Variants in C2CD3 observed in about 807,000 individuals in gnomAD.
C2CD3 encodes C2 domain-containing protein 3.
Under a neutral mutation model 234.0 loss-of-function variants are expected in C2CD3, and 148 were observed. The ratio of observed to expected loss-of-function variants is 0.63; its 90% CI spans 0.55 to 0.72. The LOEUF (loss-of-function observed/expected upper bound fraction) is 0.72, where lower values mean the gene tolerates loss of function less well. Among genes scored for constraint, C2CD3 ranks in the 30% least tolerant of loss-of-function variants. C2CD3 has a pLI of 0.00. For missense variants in C2CD3, 2,577 were observed against 2,811.5 expected, an observed-to-expected ratio of 0.92 and a Z score of 1.89; for synonymous variants, 1,000 against 1,035.4, an observed-to-expected ratio of 0.97 and a Z score of 0.66.
chr11:74,154,776 TG>T (rs1287872388), intron 3 of C2CD3, among the ~76,000 whole-genome samples: 1 of 152,136 alleles, frequency 6.6e-6, no homozygotes, highest in Non-Finnish European at 1.5e-5. Flanking sequence ...AGATTTGGCT[TG>T]GGGGTTGCAG....
intron 23 of C2CD3, among the ~76,000 whole-genome samples, chr11:74,076,166 A>G (rs1392669295): frequency 6.6e-6 from 1 of 152,168 alleles, no homozygotes; most frequent in Non-Finnish European, 1.5e-5. Context: ...AAGGGACTCT[A>G]GGCCTGCCCA....
chr11:74,073,481 GGA>G (rs912245631), intron 24 of C2CD3, among the ~76,000 whole-genome samples: 4 of 151,762 alleles, frequency 2.6e-5, no homozygotes, highest in Non-Finnish European at 5.9e-5. Flanking sequence ...CAGCTACTCA[GGA>G]GGCTGAGGCA....
At chr11:74,041,910 C>T (rs933038373) in intron 29 of C2CD3, 144 bp downstream of exon 29, 17 of 750,266 alleles carry the variant, frequency 2.3e-5, no homozygotes, top group Non-Finnish European at 3.7e-5. Context: ...CAGGGTCCAA[C>T]CTGATACTAA....
chr11:74,040,593 A>G (rs1952988995), intron 29 of C2CD3, among the ~76,000 whole-genome samples: 2 of 152,028 alleles, frequency 1.3e-5, no homozygotes, highest in African/African-American at 4.8e-5. Context: ...TGTCTCTACT[A>G]AAAATACAAA....
intron 32 of C2CD3, among the ~76,000 whole-genome samples, chr11:74,018,592 C>T (rs907638298): frequency 7.2e-5 from 11 of 152,180 alleles, no homozygotes; most frequent in African/African-American, 2.7e-4. Flanking sequence ...AGTGAGGGCT[C>T]AATATAGCTG....
chr11:74,071,627 C>G (rs1035181629), intron 24 of C2CD3, among the ~76,000 whole-genome samples: 8 of 152,194 alleles, frequency 5.3e-5, no homozygotes, highest in Non-Finnish European at 8.8e-5. Flanking sequence ...AAAGGGGATA[C>G]AGGGAATAAC....
intron 3 of C2CD3, 57 bp downstream of exon 3, chr11:74,161,342 A>G: frequency 9.3e-7 from 1 of 1,079,182 alleles, no homozygotes. Flanking sequence ...AACAGACTCA[A>G]CTATTTCTGC....
At position 74,078,101 on chromosome 11, in the gene C2CD3, GGCTCCTCAC is replaced by G; in HGVS notation, c.4603+5_4603+13del. The G allele has an allele frequency of 6.2e-7, 1 of 1,606,178 alleles. No homozygotes were observed. On this transcript the variant is annotated splice_donor_5th_base_variant and intron_variant, in intron 23 of 32. Transcript: ENST00000334126. ...TGCTCAAACTACAAGAGTTGAATCA[GGCTCCTCAC>G]TTACCACTGACAGTTAGCGTCCTCG...
chr11:74,020,539 G>C (rs1726765), intron 32 of C2CD3, among the ~76,000 whole-genome samples: 11,909 of 152,228 alleles, frequency 0.078, 1,456 homozygotes, highest in African/African-American at 0.26. Context: ...AGTCCAGTGC[G>C]TTTCCAAGAA....
At position 74,033,995 on chromosome 11, in the gene C2CD3, T is replaced by C. The variant is rs777600018; in HGVS notation, c.6165A>G (p.Ala2055=). ...TRMQSSEDTE[A]GPAYSDEDYE... The stretch of plus-strand genomic sequence containing the variant: ...AGTCCTCATCACTGTAGGCTGGGCC[T>C]GCCTCAGTGTCTTCACTGCTCTGCA... The change falls in exon 31 of 33, where the codon GCA becomes GCG. Residue 2055 remains alanine, a synonymous_variant. Coordinates refer to ENST00000334126, the MANE Select transcript of C2CD3 (RefSeq NM_001286577.2). The C allele has an allele frequency of 1.1e-5, 17 of 1,536,426 alleles. No individual in the cohort carries two copies. The highest frequency in any genetic ancestry group is 1.5e-5 in the Non-Finnish European group (17 of 1,146,978).
chr11:74,160,819 A>ATGG (rs1303540237), intron 3 of C2CD3, among the ~76,000 whole-genome samples: 2 of 152,236 alleles, frequency 1.3e-5, no homozygotes, highest in East Asian at 3.8e-4. Context: ...TCCTTACACA[A>ATGG]TGTATATATG....
intron 22 of C2CD3, among the ~76,000 whole-genome samples, chr11:74,083,709 T>C (rs1320571224): frequency 6.6e-6 from 1 of 152,118 alleles, no homozygotes; most frequent in African/African-American, 2.4e-5. Context: ...TCATCACTGG[T>C]CACTAGAGAA....
intron 24 of C2CD3, among the ~76,000 whole-genome samples, chr11:74,058,766 T>C (rs1954075804): frequency 6.6e-6 from 1 of 152,116 alleles, no homozygotes. Context: ...TGGCTGATGA[T>C]ACTAGATAGT....
chr11:74,170,085 G>A (rs1857068024), intron 1 of C2CD3, among the ~76,000 whole-genome samples: 2 of 151,870 alleles, frequency 1.3e-5, no homozygotes, highest in African/African-American at 2.4e-5. Context: ...GTGAGCTTGT[G>A]TCTCCTTGAG....
intron 3 of C2CD3, among the ~76,000 whole-genome samples, chr11:74,157,787 A>G (rs11236025): frequency 0.034 from 5,184 of 152,302 alleles, 90 homozygotes; most frequent in Middle Eastern, 0.048. Flanking sequence ...AGCCCCCCAC[A>G]GAAGAGGGAC....
chr11:74,159,056 G>A (rs61901252), intron 3 of C2CD3, among the ~76,000 whole-genome samples: 11 of 151,960 alleles, frequency 7.2e-5, no homozygotes, highest in African/African-American at 2.2e-4. Context: ...CCACATATAC[G>A]ACAGTGGTCC....
At chr11:74,038,341 C>T (rs187045033) in intron 29 of C2CD3, among the ~76,000 whole-genome samples, 222 of 152,292 alleles carry the variant, frequency 1.5e-3, no homozygotes, top group Middle Eastern at 6.8e-3. Context: ...TTTAATAGGG[C>T]CACATTCTCA....
At chr11:74,165,762 C>T (rs985940855) in intron 2 of C2CD3, among the ~76,000 whole-genome samples, 1 of 152,136 alleles carries the variant, frequency 6.6e-6, no homozygotes, top group African/African-American at 2.4e-5. Flanking sequence ...CAAGTGATTT[C>T]TCTCACCTCA....
At chr11:74,030,952 C>T (rs1452735101) in intron 31 of C2CD3, among the ~76,000 whole-genome samples, 1 of 152,164 alleles carries the variant, frequency 6.6e-6, no homozygotes, top group Non-Finnish European at 1.5e-5. Flanking sequence ...ATCTGTTCCC[C>T]TCGTCTTCAT....
Sources: allele counts gnomAD v4.1 joint callset (sites outside exome capture counted in the v4.1 genomes callset), GRCh38; gene constraint gnomAD v4.1.1; transcripts MANE v1.5; gene names NCBI Gene and HGNC (gene_info 2026-07-23, HGNC 2026-07-21).